Variants in ZEB1 observed in about 807,000 individuals in gnomAD.
ZEB1 encodes the protein zinc finger E-box binding homeobox 1.
Under a neutral mutation model 84.9 loss-of-function variants are expected in ZEB1, and 21 were observed. The observed-to-expected ratio is 0.25, with a 90% confidence interval of 0.18 to 0.36. The LOEUF is 0.36. Ranked by LOEUF, ZEB1 falls within the 10% of genes least tolerant of loss-of-function variation. The pLI is 1.00. For synonymous variants in ZEB1, 420 were observed against 471.1 expected, an observed-to-expected ratio of 0.89 and a Z score of 1.41; for missense variants, 1,104 against 1,330.2, an observed-to-expected ratio of 0.83 and a Z score of 2.65.
At chr10:31,517,372 CAGATT>C (rs1448171442) in intron 6 of ZEB1, among the ~76,000 whole-genome samples, 2 of 151,938 alleles carry the variant, frequency 1.3e-5, no homozygotes, top group Non-Finnish European at 2.9e-5. Flanking sequence ...GACCTCCACT[CAGATT>C]AGAGACAAAA....
intron 1 of ZEB1, among the ~76,000 whole-genome samples, chr10:31,335,386 C>T (rs926290601): frequency 1.3e-5 from 2 of 152,052 alleles, no homozygotes; most frequent in Admixed American, 6.6e-5. Flanking sequence ...AACGTATGCC[C>T]TGTTGATAAA....
At chr10:31,319,536 G>GCTCCCGCCGCCCCTGCCGC in intron 1 of ZEB1, 1 of 524,682 alleles carries the variant, frequency 1.9e-6, no homozygotes, top group South Asian at 2.4e-5. Flanking sequence ...CCGCCTAGCG[G>GCTCCCGCCGCCCCTGCCGC]CTCCCGCCGC....
chr10:31,475,200 T>G (rs553936410), intron 2 of ZEB1, among the ~76,000 whole-genome samples: 2 of 149,028 alleles, frequency 1.3e-5, no homozygotes, highest in African/African-American at 2.5e-5. Flanking sequence ...CCCTAAAACT[T>G]AAAGTATAAT....
intron 1 of ZEB1, among the ~76,000 whole-genome samples, chr10:31,420,107 C>G (rs1421526794): frequency 6.6e-6 from 1 of 152,096 alleles, no homozygotes; most frequent in Non-Finnish European, 1.5e-5. Flanking sequence ...ACTCTTAAGT[C>G]CTATAACACA....
intron 1 of ZEB1, among the ~76,000 whole-genome samples, chr10:31,423,528 G>T (rs1302869330): frequency 6.6e-6 from 1 of 152,002 alleles, no homozygotes; most frequent in African/African-American, 2.4e-5. Flanking sequence ...AGTAACAAAG[G>T]TTTATGCAAT....
At chr10:31,335,315 A>C (rs944724945) in intron 1 of ZEB1, among the ~76,000 whole-genome samples, 1 of 152,144 alleles carries the variant, frequency 6.6e-6, no homozygotes, top group Middle Eastern at 3.2e-3. Context: ...ATAAAAAAAA[A>C]CATAGTATTT....
rs1374934164 is a variant in ZEB1, at chr10:31,520,646, A to T, written c.1314A>T (p.Ala438=). Residue 438 remains alanine, a synonymous_variant, in exon 7 of 9, where the codon GCA becomes GCT. Coordinates refer to ENST00000424869, the MANE Select transcript of ZEB1 (RefSeq NM_001174096.2). The surrounding 1 kb of genome is among the most constrained non-coding windows in gnomAD (Gnocchi z 5.1). The part of the protein sequence containing the change: ...QVLENNQANL[A]SKEQETINAS... ...TGGAGAATAATCAAGCCAATCTTGCATCCAAAGAACAAGAAACAATCAATG... is the reference window on the plus strand; with the variant it reads ...TGGAGAATAATCAAGCCAATCTTGCTTCCAAAGAACAAGAAACAATCAATG... 9 of 1,613,980 alleles carry T rather than the reference A, an allele frequency of 5.6e-6. No homozygotes were observed. Among genetic ancestry groups the T allele is most frequent in the Non-Finnish European group, 7.6e-6 (9 of 1,179,996 alleles).
At chr10:31,433,409 C>G (rs1196665548) in intron 1 of ZEB1, among the ~76,000 whole-genome samples, 1 of 152,036 alleles carries the variant, frequency 6.6e-6, no homozygotes, top group African/African-American at 2.4e-5. Context: ...CAAATTTGGC[C>G]AATTTGTCTT....
At position 31,521,589 on chromosome 10, in the gene ZEB1, A is replaced by G. The variant is rs774314051; in HGVS notation, c.2257A>G (p.Ile753Val). The G allele has an allele frequency of 1.1e-5, 17 of 1,614,010 alleles. No individual in the cohort carries two copies. Among genetic ancestry groups the G allele is most frequent in the African/African-American group, 9.3e-5 (7 of 74,928 alleles). ...GGGAGAATTATTAGAAAGGTCAACT[A>G]TCACTAGTGTTTACCAGAACAGTGT... Reference protein sequence around the residue: ...QQGELLERSTITSVYQNSVYS... With the variant: ...QQGELLERSTVTSVYQNSVYS... The change falls in exon 7 of 9, where the codon ATC (isoleucine) becomes GTC (valine). Residue 753 changes from isoleucine to valine, a missense_variant. Physicochemically the swap from Ile to Val is conservative, Grantham distance 29. Coordinates refer to ENST00000424869, the MANE Select transcript of ZEB1 (RefSeq NM_001174096.2).
chr10:31,411,889 G>T (rs2054364473), intron 1 of ZEB1, among the ~76,000 whole-genome samples: 1 of 152,096 alleles, frequency 6.6e-6, no homozygotes, highest in Admixed American at 6.5e-5. Context: ...AACTGGGGTT[G>T]GGGAGGGAAT....
chr10:31,454,481 C>T (rs1591460778), intron 1 of ZEB1, among the ~76,000 whole-genome samples: 1 of 152,142 alleles, frequency 6.6e-6, no homozygotes, highest in African/African-American at 2.4e-5. Context: ...GTCAGATTGT[C>T]TCTGTTTGCA....
intron 1 of ZEB1, among the ~76,000 whole-genome samples, chr10:31,373,669 A>T (rs1361255312): frequency 6.6e-6 from 1 of 151,882 alleles, no homozygotes; most frequent in Non-Finnish European, 1.5e-5. Flanking sequence ...AAATCCATTT[A>T]GTTTAACATT....
At chr10:31,445,588 C>A in intron 1 of ZEB1, among the ~76,000 whole-genome samples, 1 of 152,068 alleles carries the variant, frequency 6.6e-6, no homozygotes, top group Non-Finnish European at 1.5e-5. Context: ...GAAGTACGTC[C>A]CATTAATACC....
intron 1 of ZEB1, among the ~76,000 whole-genome samples, chr10:31,443,757 G>T (rs1209059969): frequency 2.0e-5 from 3 of 148,654 alleles, no homozygotes; most frequent in Non-Finnish European, 2.9e-5. Flanking sequence ...ATTTTTTATC[G>T]CTGCATAGTA....
chr10:31,323,757 A>G (rs2034738798), intron 1 of ZEB1, among the ~76,000 whole-genome samples: 1 of 152,064 alleles, frequency 6.6e-6, no homozygotes, highest in Admixed American at 6.5e-5. Context: ...TCTTATAGGT[A>G]TATTAATATA....
chr10:31,454,633 C>G (rs1304647147), intron 1 of ZEB1, among the ~76,000 whole-genome samples: 21 of 151,692 alleles, frequency 1.4e-4, no homozygotes, highest in Non-Finnish European at 1.5e-5. Context: ...TAACAGAGAA[C>G]CAAATCATGA....
chr10:31,332,144 G>A (rs2036931152), intron 1 of ZEB1, among the ~76,000 whole-genome samples: 1 of 152,076 alleles, frequency 6.6e-6, no homozygotes, highest in Non-Finnish European at 1.5e-5. Context: ...GATTTGCATA[G>A]TAATTGCTTC....
chr10:31,341,197 T>C (rs1321030062), intron 1 of ZEB1, among the ~76,000 whole-genome samples: 5 of 152,042 alleles, frequency 3.3e-5, no homozygotes, highest in African/African-American at 4.8e-5. Flanking sequence ...GGGAAAAAGA[T>C]TGGAGGCAGA....
intron 1 of ZEB1, chr10:31,363,448 C>T (rs563669254): frequency 4.7e-5 from 72 of 1,534,162 alleles, no homozygotes; most frequent in Admixed American, 3.1e-4. Context: ...GGGATTGTAC[C>T]AGGAAGAAGT....
Sources: allele counts gnomAD v4.1 joint callset (sites outside exome capture counted in the v4.1 genomes callset), GRCh38; gene constraint gnomAD v4.1.1; non-coding constraint Gnocchi (gnomAD v3.1); transcripts MANE v1.5; gene names NCBI Gene and HGNC (gene_info 2026-07-23, HGNC 2026-07-21).